Variants in AGBL4 observed in about 807,000 individuals in gnomAD.
AGBL4 encodes the protein cytosolic carboxypeptidase 6.
A neutral mutation model predicts 66.4 loss-of-function variants in AGBL4; 58 were observed. The ratio of observed to expected loss-of-function variants is 0.87; its 90% CI spans 0.71 to 1.09. The LOEUF (loss-of-function observed/expected upper bound fraction) is 1.09, where lower values mean the gene tolerates loss of function less well. Ranked by LOEUF, AGBL4 falls within the 50% of genes least tolerant of loss-of-function variation. The probability of loss-of-function intolerance (pLI) is 0.00; values close to 1 mark genes in which losing one functional copy is unlikely to be tolerated. For missense variants in AGBL4, 579 were observed against 631.0 expected, an observed-to-expected ratio of 0.92 and a Z score of 0.88; for synonymous variants, 234 against 222.9, an observed-to-expected ratio of 1.05 and a Z score of -0.44.
At chr1:48,727,881 A>G in intron 6 of AGBL4, 2 of 1,594,142 alleles carry the variant, frequency 1.3e-6, no homozygotes, top group South Asian at 1.1e-5. Context: ...TGAAAAATCC[A>G]AAGTTTATTG....
intron 5 of AGBL4, among the ~76,000 whole-genome samples, chr1:49,002,948 C>T (rs1661502886): frequency 6.6e-6 from 1 of 152,192 alleles, no homozygotes; most frequent in Non-Finnish European, 1.5e-5. Flanking sequence ...GGACTAGGGC[C>T]TACCTCCTTG....
chr1:49,929,349 A>C (rs897591560), intron 1 of AGBL4, among the ~76,000 whole-genome samples: 4 of 152,170 alleles, frequency 2.6e-5, no homozygotes, highest in African/African-American at 7.2e-5. Flanking sequence ...AAGCAACCCC[A>C]AAAAAGGACA....
chr1:49,743,240 A>C (rs948684379), intron 2 of AGBL4, among the ~76,000 whole-genome samples: 4 of 152,228 alleles, frequency 2.6e-5, no homozygotes, highest in Admixed American at 2.0e-4. Context: ...AAACTGGGCA[A>C]AGGATATGAA....
At chr1:50,018,766 A>C (rs1225925440) in intron 1 of AGBL4, among the ~76,000 whole-genome samples, 2 of 152,168 alleles carry the variant, frequency 1.3e-5, no homozygotes, top group Non-Finnish European at 2.9e-5. Flanking sequence ...AAACAAGCAC[A>C]TAAACTTTCT....
intron 6 of AGBL4, among the ~76,000 whole-genome samples, chr1:48,692,617 G>A (rs1282507553): frequency 1.3e-5 from 2 of 152,156 alleles, no homozygotes; most frequent in Non-Finnish European, 2.9e-5. Flanking sequence ...ATCCATGTGA[G>A]GACTGTGATA....
chr1:49,343,960 A>C (rs776773141), intron 3 of AGBL4, among the ~76,000 whole-genome samples: 16 of 152,230 alleles, frequency 1.1e-4, no homozygotes, highest in Non-Finnish European at 2.1e-4. Flanking sequence ...GTTCTAAATT[A>C]GGCAGGTCAG....
At chr1:49,717,416 A>G (rs1427640106) in intron 2 of AGBL4, among the ~76,000 whole-genome samples, 1 of 152,060 alleles carries the variant, frequency 6.6e-6, no homozygotes, top group Admixed American at 6.6e-5. Context: ...AAGTTTTAAA[A>G]TATTCTATAT....
intron 4 of AGBL4, among the ~76,000 whole-genome samples, chr1:49,176,808 C>G (rs531849680): frequency 2.0e-5 from 3 of 152,244 alleles, no homozygotes; most frequent in Non-Finnish European, 4.4e-5. Context: ...CTTTCTGTCT[C>G]TCTCTCTCTT....
rs1182183308 is a variant in AGBL4, at chr1:49,177,235, G to C, written c.377+68535C>G. ...TACAGAAACATAAAAATAATGTCTT[G>C]AGTATGGAATAATGGGGTTCCTACT... is the stretch of plus-strand genomic sequence containing the variant. On this transcript the variant is annotated intron_variant, in intron 4 of 13. Coordinates refer to ENST00000371839, the MANE Select transcript of AGBL4 (RefSeq NM_032785.4). Among the ~76,000 whole-genome samples, 6 of 152,230 alleles carry C rather than the reference G, an allele frequency of 3.9e-5. No homozygotes were observed. In the South Asian group the frequency reaches 8.3e-4, roughly 21 times the overall value.
intron 3 of AGBL4, among the ~76,000 whole-genome samples, chr1:49,586,255 A>C (rs1644645380): frequency 6.6e-6 from 1 of 152,052 alleles, no homozygotes; most frequent in African/African-American, 2.4e-5. Context: ...AACCTAAGAC[A>C]CCTCTCAGGA....
chr1:48,987,084 A>C (rs1202626103), intron 5 of AGBL4, among the ~76,000 whole-genome samples: 1 of 151,874 alleles, frequency 6.6e-6, no homozygotes, highest in Non-Finnish European at 1.5e-5. Flanking sequence ...ATACTCCATA[A>C]CCATAACCAT....
intron 3 of AGBL4, among the ~76,000 whole-genome samples, chr1:49,431,567 C>T (rs1259384070): frequency 1.3e-5 from 2 of 151,938 alleles, no homozygotes; most frequent in Non-Finnish European, 2.9e-5. Context: ...AACAATGTCC[C>T]GGTTTATCAA....
intron 2 of AGBL4, among the ~76,000 whole-genome samples, chr1:49,831,855 C>T (rs1645690510): frequency 6.6e-6 from 1 of 152,030 alleles, no homozygotes; most frequent in Non-Finnish European, 1.5e-5. Context: ...TTTTCTGCAT[C>T]TATGGAGATA....
At chr1:49,861,635 A>G (rs1447584284) in intron 1 of AGBL4, among the ~76,000 whole-genome samples, 1 of 152,180 alleles carries the variant, frequency 6.6e-6, no homozygotes, top group Non-Finnish European at 1.5e-5. Flanking sequence ...TCTCTCTGTT[A>G]TCTTGGATTT....
At chr1:49,047,007 C>T (rs958277744) in intron 4 of AGBL4, among the ~76,000 whole-genome samples, 2 of 152,058 alleles carry the variant, frequency 1.3e-5, no homozygotes, top group African/African-American at 4.8e-5. Context: ...GTGCTGTCTC[C>T]AGGTAGAACA....
chr1:49,212,192 A>C (rs560972596), intron 4 of AGBL4, among the ~76,000 whole-genome samples: 1 of 152,126 alleles, frequency 6.6e-6, no homozygotes, highest in Admixed American at 6.6e-5. Context: ...AGAAAATTAC[A>C]CTGGCAAGAA....
chr1:49,702,899 CATG>C lies in AGBL4; in HGVS notation c.158-5465_158-5463del, dbSNP rs1647127033. On this transcript the variant is annotated intron_variant, in intron 2 of 13. Coordinates refer to ENST00000371839, the MANE Select transcript of AGBL4 (RefSeq NM_032785.4). ...AAATCTGACAAAATCTTACACATTT[CATG>C]ATAAGAATACTCAAGATGAACACAA... 5.9e-5 allele frequency among the ~76,000 whole-genome samples: 9 copies of C among 152,152 alleles called. No homozygotes were observed. The South Asian group carries it at 1.9e-3, about 32-fold the overall frequency.
chr1:49,536,133 C>T (rs1451530984), intron 3 of AGBL4, among the ~76,000 whole-genome samples: 1 of 152,034 alleles, frequency 6.6e-6, no homozygotes, highest in Non-Finnish European at 1.5e-5. Flanking sequence ...AAGAATATTT[C>T]TACTCTGAGT....
chr1:49,166,382 T>C (rs983873160), intron 4 of AGBL4, among the ~76,000 whole-genome samples: 1 of 152,184 alleles, frequency 6.6e-6, no homozygotes, highest in African/African-American at 2.4e-5. Context: ...AACTCCATGA[T>C]GGTACTCAGG....
Sources: allele counts gnomAD v4.1 joint callset (sites outside exome capture counted in the v4.1 genomes callset), GRCh38; gene constraint gnomAD v4.1.1; transcripts MANE v1.5; gene names NCBI Gene and HGNC (gene_info 2026-07-23, HGNC 2026-07-21).